Variants in FBXL17 observed in about 807,000 individuals in gnomAD.
The protein encoded by FBXL17 is F-box and leucine rich repeat protein 17.
FBXL17 carries 22 observed loss-of-function variants against 66.2 expected under a neutral mutation model. The ratio of observed to expected loss-of-function variants is 0.33; its 90% CI spans 0.24 to 0.47. The LOEUF is 0.47. Among genes scored for constraint, FBXL17 ranks in the 20% least tolerant of loss-of-function variants. FBXL17 has a pLI of 1.00. For missense variants in FBXL17, 878 were observed against 948.2 expected, an observed-to-expected ratio of 0.93 and a Z score of 0.97; for synonymous variants, 474 against 400.5, an observed-to-expected ratio of 1.18 and a Z score of -2.19.
At chr5:108,239,726 C>G (rs566789187) in intron 4 of FBXL17, among the ~76,000 whole-genome samples, 6 of 152,226 alleles carry the variant, frequency 3.9e-5, no homozygotes, top group African/African-American at 1.4e-4. Context: ...CTGGCGGGAG[C>G]TGGGGGACCA....
intron 6 of FBXL17, among the ~76,000 whole-genome samples, chr5:108,036,459 T>C (rs1457302392): frequency 6.6e-6 from 1 of 152,188 alleles, no homozygotes; most frequent in Non-Finnish European, 1.5e-5. Context: ...TTGATGCACT[T>C]TCTTCATTTA....
chr5:108,179,618 T>C (rs1489081969), intron 6 of FBXL17, among the ~76,000 whole-genome samples: 1 of 152,174 alleles, frequency 6.6e-6, no homozygotes, highest in Admixed American at 6.5e-5. Context: ...ACCCTCCTTA[T>C]AATTCAGGAA....
At chr5:108,079,069 A>C (rs1484905358) in intron 6 of FBXL17, among the ~76,000 whole-genome samples, 1 of 151,646 alleles carries the variant, frequency 6.6e-6, no homozygotes, top group Non-Finnish European at 1.5e-5. Context: ...GGCTGGTCTC[A>C]AACTCCTGGG....
chr5:107,931,285 G>T (rs550422507), intron 7 of FBXL17, among the ~76,000 whole-genome samples: 7 of 149,122 alleles, frequency 4.7e-5, no homozygotes, highest in Admixed American at 3.3e-4. Flanking sequence ...TTGAGACAGG[G>T]TCTCACTGTC....
At chr5:108,222,838 C>T (rs1754928719) in intron 5 of FBXL17, among the ~76,000 whole-genome samples, 1 of 151,814 alleles carries the variant, frequency 6.6e-6, no homozygotes, top group South Asian at 2.1e-4. Flanking sequence ...CCATGCCCAG[C>T]TAATTTTTGT....
At chr5:108,232,978 T>C (rs1410749218) in intron 4 of FBXL17, among the ~76,000 whole-genome samples, 1 of 151,212 alleles carries the variant, frequency 6.6e-6, no homozygotes, top group African/African-American at 2.4e-5. Context: ...ATAATGCTGC[T>C]GTGATCATTC....
At chr5:108,272,884 A>C (rs536489778) in intron 4 of FBXL17, among the ~76,000 whole-genome samples, 1 of 152,344 alleles carries the variant, frequency 6.6e-6, no homozygotes, top group African/African-American at 2.4e-5. Context: ...ACATAACCAT[A>C]GTTAATAACT....
intron 6 of FBXL17, among the ~76,000 whole-genome samples, chr5:108,028,804 T>C (rs1330026303): frequency 6.6e-6 from 1 of 152,162 alleles, no homozygotes; most frequent in African/African-American, 2.4e-5. Context: ...GAGGTAAAGA[T>C]AATTTATAAA....
chr5:108,314,503 G>T (rs757923727), intron 4 of FBXL17, among the ~76,000 whole-genome samples: 6 of 151,468 alleles, frequency 4.0e-5, no homozygotes, highest in Non-Finnish European at 7.4e-5. Flanking sequence ...CATATGCTGT[G>T]TTCCAAATGC....
intron 6 of FBXL17, among the ~76,000 whole-genome samples, chr5:108,124,335 A>G (rs1750615539): frequency 6.6e-6 from 1 of 152,072 alleles, no homozygotes; most frequent in Admixed American, 6.6e-5. Flanking sequence ...TTTTAATTCC[A>G]TTCATGCAAA....
chr5:108,183,977 A>G lies in FBXL17; in HGVS notation c.1745+2140T>C, dbSNP rs557420413. Among the ~76,000 whole-genome samples, 11 of 152,336 alleles carry G rather than the reference A, an allele frequency of 7.2e-5. No individual in the cohort carries two copies. In the East Asian group the frequency reaches 2.1e-3, roughly 29 times the overall value. Reference sequence around the variant, plus strand: ...CCATTCTAGAGGAGTACATTTTTCAAGAAAAATTTTACTAAGAAAGAGTGA... The same window carrying G: ...CCATTCTAGAGGAGTACATTTTTCAGGAAAAATTTTACTAAGAAAGAGTGA... On this transcript the variant is annotated intron_variant, in intron 6 of 8. Coordinates refer to ENST00000542267, the MANE Select transcript of FBXL17 (RefSeq NM_001163315.3).
chr5:108,339,296 C>T (rs1580846695), intron 4 of FBXL17, among the ~76,000 whole-genome samples: 1 of 152,260 alleles, frequency 6.6e-6, no homozygotes, highest in African/African-American at 2.4e-5. Flanking sequence ...ATACATTTCA[C>T]TTGTTGACTG....
At chr5:108,261,319 A>C (rs1308255665) in intron 4 of FBXL17, among the ~76,000 whole-genome samples, 1 of 152,084 alleles carries the variant, frequency 6.6e-6, no homozygotes, top group Non-Finnish European at 1.5e-5. Context: ...TAAATGTTAC[A>C]GAACTAAAAA....
At chr5:107,919,253 T>C (rs989542605) in intron 7 of FBXL17, among the ~76,000 whole-genome samples, 1 of 152,174 alleles carries the variant, frequency 6.6e-6, no homozygotes, top group East Asian at 1.9e-4. Flanking sequence ...CTTACACCCA[T>C]ATTTGATCCA....
At chr5:107,971,269 C>T (rs1405359351) in intron 7 of FBXL17, among the ~76,000 whole-genome samples, 6 of 152,122 alleles carry the variant, frequency 3.9e-5, no homozygotes, top group Admixed American at 2.0e-4. Context: ...TTCTGTGTTA[C>T]GTATGAGCAC....
At chr5:107,901,074 C>T (rs1005222455) in intron 7 of FBXL17, among the ~76,000 whole-genome samples, 1 of 152,144 alleles carries the variant, frequency 6.6e-6, no homozygotes, top group African/African-American at 2.4e-5. Flanking sequence ...GAAGCATGAT[C>T]TAGTGTTTTG....
chr5:108,096,690 T>C (rs765405669), intron 6 of FBXL17, among the ~76,000 whole-genome samples: 4 of 152,174 alleles, frequency 2.6e-5, no homozygotes, highest in African/African-American at 4.8e-5. Context: ...GTGGGATACA[T>C]GCAACAAATG....
At chr5:108,343,434 C>T (rs1190976424) in intron 4 of FBXL17, among the ~76,000 whole-genome samples, 1 of 152,068 alleles carries the variant, frequency 6.6e-6, no homozygotes, top group African/African-American at 2.4e-5. Flanking sequence ...CAAAATCCCT[C>T]AAAAATGTAA....
intron 4 of FBXL17, among the ~76,000 whole-genome samples, chr5:108,331,603 T>C (rs1423958487): frequency 6.6e-6 from 1 of 152,242 alleles, no homozygotes; most frequent in Non-Finnish European, 1.5e-5. Context: ...GCAATCATTT[T>C]ATCCTTATGA....
Sources: allele counts gnomAD v4.1 joint callset (sites outside exome capture counted in the v4.1 genomes callset), GRCh38; gene constraint gnomAD v4.1.1; transcripts MANE v1.5; gene names NCBI Gene and HGNC (gene_info 2026-07-23, HGNC 2026-07-21).